ZNF608: variants seen among roughly 807,000 people sequenced by gnomAD.
ZNF608 encodes the protein renal carcinoma antigen NY-REN-36.
Under a neutral mutation model 109.0 loss-of-function variants are expected in ZNF608, and 12 were observed. That is an observed-to-expected ratio of 0.11 (90% CI 0.07 to 0.18). The LOEUF is 0.18. Among genes scored for constraint, ZNF608 ranks in the 10% least tolerant of loss-of-function variants. The probability of loss-of-function intolerance (pLI) is 1.00; values close to 1 mark genes in which losing one functional copy is unlikely to be tolerated. For missense variants in ZNF608, 1,707 were observed against 1,879.3 expected, an observed-to-expected ratio of 0.91 and a Z score of 1.70; for synonymous variants, 732 against 717.4, an observed-to-expected ratio of 1.02 and a Z score of -0.33.
chr5:124,748,521 A>G, upstream of ZNF608: 1 of 985,290 alleles, frequency 1.0e-6, no homozygotes, highest in Non-Finnish European at 1.2e-6. Flanking sequence ...CACACCACGC[A>G]ACCGTACTTA....
intron 2 of ZNF608, among the ~76,000 whole-genome samples, chr5:124,732,965 C>T (rs988004562): frequency 1.3e-5 from 2 of 151,882 alleles, no homozygotes; most frequent in African/African-American, 4.8e-5. Context: ...CTCTATACAG[C>T]TTAAAAGATG....
At chr5:124,677,256 G>A (rs1751983101) in intron 3 of ZNF608, among the ~76,000 whole-genome samples, 1 of 152,092 alleles carries the variant, frequency 6.6e-6, no homozygotes, top group Non-Finnish European at 1.5e-5. Context: ...GGTGAACACA[G>A]CCTGAAGGAA....
At chr5:124,707,012 C>T (rs1289891087) in intron 2 of ZNF608, among the ~76,000 whole-genome samples, 3 of 151,992 alleles carry the variant, frequency 2.0e-5, no homozygotes, top group Non-Finnish European at 4.4e-5. Context: ...GGGTTGGGGG[C>T]GGGCAATCTG....
chr5:124,740,747 C>T (rs1373892898), intron 2 of ZNF608, among the ~76,000 whole-genome samples: 1 of 152,216 alleles, frequency 6.6e-6, no homozygotes, highest in African/African-American at 2.4e-5. Flanking sequence ...TAATTCTCTT[C>T]CCTGAATAGG....
At chr5:124,695,578 A>T (rs981116265) in intron 3 of ZNF608, among the ~76,000 whole-genome samples, 1 of 152,034 alleles carries the variant, frequency 6.6e-6, no homozygotes, top group Non-Finnish European at 1.5e-5. Flanking sequence ...TAGCATGGGC[A>T]ACATGGCAAA....
intron 2 of ZNF608, among the ~76,000 whole-genome samples, chr5:124,706,197 G>A (rs1383049212): frequency 6.6e-6 from 1 of 152,200 alleles, no homozygotes; most frequent in Non-Finnish European, 1.5e-5. Flanking sequence ...CAGCTCTACT[G>A]TTAGCTACAA....
rs1580622971 is a variant in ZNF608, at chr5:124,686,914, G to A, written c.1162+14100C>T. Among the ~76,000 whole-genome samples the A allele has an allele frequency of 2.0e-5, 3 of 152,308 alleles. No individual in the cohort carries two copies. In the South Asian group the frequency reaches 6.2e-4, roughly 32 times the overall value. On this transcript the variant is annotated intron_variant, in intron 3 of 9. Transcript: ENST00000513986. ...CTCTCTGAGGCACAGGAAGTGGTGG[G>A]CAATTTTTTTTCCTTGTTATGAAAT...
At chr5:124,740,602 C>A (rs1749350845) in intron 2 of ZNF608, among the ~76,000 whole-genome samples, 1 of 151,094 alleles carries the variant, frequency 6.6e-6, no homozygotes, top group Admixed American at 6.6e-5. Context: ...TGCCAGAATT[C>A]CCTGGTGAAG....
At chr5:124,659,219 GA>G (rs1490406260) in intron 3 of ZNF608, among the ~76,000 whole-genome samples, 1 of 150,992 alleles carries the variant, frequency 6.6e-6, no homozygotes, top group Non-Finnish European at 1.5e-5. Context: ...ACTTCGACTA[GA>G]AAAAAACAGG....
Position 124,744,344 on chromosome 5 carries a change from C to A in ZNF608, c.646G>T (p.Asp216Tyr). 6.2e-7 allele frequency: 1 copy of A among 1,614,236 alleles called. No individual in the cohort carries two copies. Among genetic ancestry groups the A allele is most frequent in the East Asian group, 2.2e-5 (1 of 44,880 alleles). ...CCATTCTGGTGGCCCTGAAGCAGGTCGTGCTTGTCCTTCCTGGATTTCCCC... is the reference window on the plus strand; with the variant it reads ...CCATTCTGGTGGCCCTGAAGCAGGTAGTGCTTGTCCTTCCTGGATTTCCCC... ...DAGKSRKDKH[D>Y]LLQGHQNGSG... The change falls in exon 2 of 10, where the codon GAC (aspartate) becomes TAC (tyrosine). Residue 216 changes from aspartate (D) to tyrosine (Y), a missense_variant. Coordinates refer to ENST00000513986, the MANE Select transcript of ZNF608 (RefSeq NM_020747.3). The surrounding 1 kb of genome is among the most constrained non-coding windows in gnomAD (Gnocchi z 4.5).
Position 124,649,052 on chromosome 5 carries a change from G to A in ZNF608, c.1332C>T (p.Ala444=). The change falls in exon 5 of 10, where the codon GCC becomes GCT. Residue 444 remains alanine (A), a synonymous_variant. Transcript: ENST00000513986. ...CTGTGAAGCTGGCCTCGGAGCCCGG[G>A]GCAGCAGCAGCAGACCTCGCTCTCT... ...RGKRARSAAA[A]PGSEASFTES... The A allele has an allele frequency of 6.2e-7, 1 of 1,613,084 alleles. No individual in the cohort carries two copies. The highest frequency in any genetic ancestry group is 8.5e-7 in the Non-Finnish European group (1 of 1,179,326).
At chr5:124,733,371 C>T (rs981996940) in intron 2 of ZNF608, among the ~76,000 whole-genome samples, 2 of 152,122 alleles carry the variant, frequency 1.3e-5, no homozygotes, top group African/African-American at 2.4e-5. Context: ...TGTAATGCTT[C>T]CAAGATGCAC....
In ZNF608 at chr5:124,724,050, C is replaced by T. The variant is rs555106778; in HGVS notation, c.906+20034G>A. ...TCACAGTATTAAATTGTAGAAACTA[C>T]AGGCAATTCATGTTCCACCATTGCT... On this transcript the variant is annotated intron_variant, in intron 2 of 9. Transcript: ENST00000513986. Among the ~76,000 whole-genome samples the T allele has an allele frequency of 3.3e-5, 5 of 152,176 alleles. No homozygotes were observed. In the South Asian group the frequency reaches 8.3e-4, roughly 25 times the overall value.
chr5:124,716,087 G>C (rs1171452318), intron 2 of ZNF608, among the ~76,000 whole-genome samples: 3 of 145,864 alleles, frequency 2.1e-5, no homozygotes, highest in South Asian at 2.2e-4. Context: ...AGCTGGCAGT[G>C]AGCCGAGATC....
At chr5:124,665,527 C>A (rs530776772) in intron 3 of ZNF608, among the ~76,000 whole-genome samples, 2 of 152,134 alleles carry the variant, frequency 1.3e-5, no homozygotes, top group African/African-American at 2.4e-5. Context: ...AGTGAAGGAG[C>A]CTGTCTCAGT....
intron 3 of ZNF608, among the ~76,000 whole-genome samples, chr5:124,654,519 C>T (rs985091006): frequency 6.6e-6 from 1 of 152,212 alleles, no homozygotes; most frequent in African/African-American, 2.4e-5. Flanking sequence ...TAGACACACG[C>T]ATACCAGGCA....
intron 2 of ZNF608, among the ~76,000 whole-genome samples, chr5:124,721,941 C>CAAAAAA (rs199699487): frequency 0.015 from 304 of 20,804 alleles, 63 homozygotes; most frequent in Non-Finnish European, 0.019. Context: ...GACTCTGTCT[C>CAAAAAA]AAAAAAAAAA....
intron 2 of ZNF608, among the ~76,000 whole-genome samples, chr5:124,735,813 T>A (rs1441873544): frequency 6.6e-6 from 1 of 152,212 alleles, no homozygotes; most frequent in Non-Finnish European, 1.5e-5. Context: ...ATCATGTTGC[T>A]CCCTTTTGGG....
chr5:124,712,141 C>T (rs895072706), intron 2 of ZNF608, among the ~76,000 whole-genome samples: 6 of 152,024 alleles, frequency 3.9e-5, no homozygotes, highest in African/African-American at 7.2e-5. Context: ...AGCCAGACTC[C>T]ATCACAAAAC....
Sources: allele counts gnomAD v4.1 joint callset (sites outside exome capture counted in the v4.1 genomes callset), GRCh38; gene constraint gnomAD v4.1.1; non-coding constraint Gnocchi (gnomAD v3.1); transcripts MANE v1.5; gene names NCBI Gene and HGNC (gene_info 2026-07-23, HGNC 2026-07-21).